Variants in SEMA5A observed in about 807,000 individuals in gnomAD.
SEMA5A encodes semaphorin-5A.
Under a neutral mutation model 135.5 loss-of-function variants are expected in SEMA5A, and 55 were observed. The ratio of observed to expected loss-of-function variants is 0.41; its 90% CI spans 0.33 to 0.51. The LOEUF is 0.51. Ranked by LOEUF, SEMA5A falls within the 20% of genes least tolerant of loss-of-function variation. The probability of loss-of-function intolerance (pLI) is 0.37; values close to 1 mark genes in which losing one functional copy is unlikely to be tolerated. For synonymous variants in SEMA5A, 580 were observed against 546.5 expected (o/e 1.06, Z -0.85); for missense variants, 1,290 against 1,419.9 (o/e 0.91, Z 1.47).
chr5:9,132,176 G>A (rs539650333), intron 13 of SEMA5A, among the ~76,000 whole-genome samples: 19 of 152,198 alleles, frequency 1.2e-4, no homozygotes, highest in African/African-American at 4.6e-4. Flanking sequence ...TTTAAATAGG[G>A]ATCCCTCTGT....
chr5:9,277,654 T>C (rs1750329812), intron 5 of SEMA5A, among the ~76,000 whole-genome samples: 1 of 152,222 alleles, frequency 6.6e-6, no homozygotes, highest in Non-Finnish European at 1.5e-5. Flanking sequence ...GATGAGTTCC[T>C]GTCCTGTACA....
rs73052674 is a variant in SEMA5A, at chr5:9,386,367, C to T, written c.-77-6344G>A. On this transcript the variant is annotated intron_variant, in intron 2 of 22. Transcript: ENST00000382496. ...TATTGAAAAACTCAGTATTCAGCTT[C>T]TGCCTTTCAAAAAAAAATCATGCTT... 1.0e-2 allele frequency among the ~76,000 whole-genome samples: 1,518 copies of T among 152,288 alleles called. 38 individuals are homozygous for T. The highest frequency in any genetic ancestry group is 0.034 in the African/African-American group (1,394 of 41,540).
rs913966019 is a variant in SEMA5A at position 9,146,635 on chromosome 5, G to T, written c.1481+7853C>A. Among the ~76,000 whole-genome samples, 4 of 152,126 alleles carry T rather than the reference G, an allele frequency of 2.6e-5. No homozygotes were observed. In the East Asian group the frequency reaches 7.7e-4, roughly 29 times the overall value. On this transcript the variant is annotated intron_variant, in intron 12 of 22. Transcript: ENST00000382496. ...GAATAAATTCTAAGGCAACTCCAAG[G>T]TCCTTCGGTTCAGTTCCATGACAGC...
At chr5:9,537,821 G>A (rs542168542) in intron 1 of SEMA5A, among the ~76,000 whole-genome samples, 1 of 152,132 alleles carries the variant, frequency 6.6e-6, no homozygotes, top group Non-Finnish European at 1.5e-5. Flanking sequence ...AGCATCACAG[G>A]GCTGGATAAA....
intron 2 of SEMA5A, among the ~76,000 whole-genome samples, chr5:9,412,982 G>A (rs576151882): frequency 4.5e-4 from 69 of 152,192 alleles, no homozygotes; most frequent in Middle Eastern, 3.4e-3. Context: ...CTGGTGTTTC[G>A]TTCATAATGT....
intron 2 of SEMA5A, among the ~76,000 whole-genome samples, chr5:9,412,461 TTTA>T (rs1757133075): frequency 6.7e-6 from 1 of 150,266 alleles, no homozygotes; most frequent in African/African-American, 2.4e-5. Flanking sequence ...TATAAACTGT[TTTA>T]TTGTTATTCC....
chr5:9,266,245 A>T (rs1749678847), intron 5 of SEMA5A, among the ~76,000 whole-genome samples: 1 of 152,228 alleles, frequency 6.6e-6, no homozygotes, highest in African/African-American at 2.4e-5. Context: ...ATCAGATAAC[A>T]CAAGATGCCA....
chr5:9,048,963 T>A (rs1243428740), intron 21 of SEMA5A, among the ~76,000 whole-genome samples: 1 of 152,152 alleles, frequency 6.6e-6, no homozygotes, highest in African/African-American at 2.4e-5. Flanking sequence ...CACTGGGGTC[T>A]CTGATGATAT....
chr5:9,197,118 C>T, intron 10 of SEMA5A, 50 bp downstream of exon 10: 1 of 1,610,426 alleles, frequency 6.2e-7, no homozygotes. Flanking sequence ...AAGGCTTCTG[C>T]ATTCTTCATG....
chr5:9,424,278 C>G (rs878963580), intron 2 of SEMA5A, among the ~76,000 whole-genome samples: 1 of 152,202 alleles, frequency 6.6e-6, no homozygotes, highest in Admixed American at 6.5e-5. Context: ...GACGATACAA[C>G]AGTGGAGAAT....
chr5:9,308,516 G>A (rs1751977439), intron 5 of SEMA5A, among the ~76,000 whole-genome samples: 1 of 152,118 alleles, frequency 6.6e-6, no homozygotes, highest in Non-Finnish European at 1.5e-5. Context: ...CCTACCTTTT[G>A]AGAGCATGCC....
chr5:9,425,998 T>G (rs535581973), intron 2 of SEMA5A, among the ~76,000 whole-genome samples: 1 of 152,288 alleles, frequency 6.6e-6, no homozygotes, highest in South Asian at 2.1e-4. Context: ...GCATGCTTGT[T>G]GAGAAGATGA....
chr5:9,513,949 T>C (rs1736363205), intron 1 of SEMA5A, among the ~76,000 whole-genome samples: 1 of 152,154 alleles, frequency 6.6e-6, no homozygotes, highest in Non-Finnish European at 1.5e-5. Flanking sequence ...AAACAACTCA[T>C]ATTTATTCTC....
At chr5:9,479,510 C>T (rs16882871) in intron 1 of SEMA5A, among the ~76,000 whole-genome samples, 11,832 of 152,186 alleles carry the variant, frequency 0.078, 493 homozygotes, top group South Asian at 0.095. Context: ...TCTGGAGTGT[C>T]GGAGCGTCAG....
chr5:9,382,749 G>C (rs1805927), intron 2 of SEMA5A, among the ~76,000 whole-genome samples: 1 of 151,984 alleles, frequency 6.6e-6, no homozygotes, highest in African/African-American at 2.4e-5. Context: ...AAGGAACCAA[G>C]AAGCATGAGG....
At chr5:9,392,915 C>T (rs1029855666) in intron 2 of SEMA5A, among the ~76,000 whole-genome samples, 1 of 152,202 alleles carries the variant, frequency 6.6e-6, no homozygotes, top group African/African-American at 2.4e-5. Context: ...GTTTCAGGAG[C>T]ACTGCTATGG....
chr5:9,337,669 G>A, intron 4 of SEMA5A, 44 bp downstream of exon 4: 2 of 1,329,588 alleles, frequency 1.5e-6, no homozygotes, highest in Non-Finnish European at 2.2e-6. Flanking sequence ...GATGTAAAAT[G>A]AAGTCCAAAA....
At chr5:9,410,830 GA>G (rs1402642912) in intron 2 of SEMA5A, among the ~76,000 whole-genome samples, 1 of 141,902 alleles carries the variant, frequency 7.0e-6, no homozygotes, top group Non-Finnish European at 1.5e-5. Flanking sequence ...ACTTTTTTTA[GA>G]AGAAATGAAA....
intron 11 of SEMA5A, among the ~76,000 whole-genome samples, chr5:9,157,145 C>CCCCCTTCCCTCTGCATCAGGGCTAA (rs1444833516): frequency 2.6e-5 from 4 of 151,424 alleles, no homozygotes; most frequent in Non-Finnish European, 5.9e-5. Flanking sequence ...CTCCACAGTT[C>CCCCCTTCCCTCTGCATCAGGGCTAA]CCCCTTCCCT....
Sources: gnomAD v4.1 joint callset for allele counts (sites outside exome capture counted in the v4.1 genomes callset) on GRCh38, gnomAD v4.1.1 for gene constraint, MANE v1.5 for transcripts, NCBI Gene and HGNC (gene_info 2026-07-23, HGNC 2026-07-21) for gene names.